Variants in CAMKV observed in about 807,000 individuals in gnomAD.
CAMKV encodes the protein caM kinase-like vesicle-associated protein.
In CAMKV, 5 loss-of-function variants were observed where a neutral mutation model predicts 50.2. The observed-to-expected ratio is 0.10, with a 90% CI of 0.05 to 0.21. CAMKV has a LOEUF of 0.21. Ranked by LOEUF, CAMKV falls within the 10% of genes least tolerant of loss-of-function variation. The pLI, the probability that CAMKV is intolerant of heterozygous loss-of-function variation, is 1.00. For synonymous variants in CAMKV, 229 were observed against 250.1 expected (o/e 0.92, Z 0.80); for missense variants, 361 against 650.5 (o/e 0.55, Z 4.84).
At position 49,859,161 on chromosome 3, in the gene CAMKV, G is replaced by C. The variant is rs2108327579; in HGVS notation, c.*157C>G. On this transcript the variant is annotated 3_prime_UTR_variant, in exon 11 of 11. Transcript: ENST00000477224. This position sits in a 1 kb window ranked among gnomAD's most constrained non-coding sequence, Gnocchi z 5.5. ...TCACACACATACACACAGGAGACGA[G>C]ACTGCTCTCCCGTGACCCCTAGTTA... 1 of 656,026 alleles carries C rather than the reference G, an allele frequency of 1.5e-6. No homozygotes were observed. Among genetic ancestry groups the C allele is most frequent in the East Asian group, 2.7e-5 (1 of 36,402 alleles). The allele number at this position is 656,026 out of a possible 1,614,324, so 40.6% of individuals were successfully genotyped here. A position where few individuals can be genotyped will look rare whatever the true frequency, so the allele number is the denominator to read the frequency against.
Position 49,859,109 on chromosome 3 carries a change from C to T in CAMKV, c.*209G>A, listed in dbSNP as rs909985571. Reference sequence around the variant, plus strand: ...AAGGAATCCATGCAGGGGCTGGGGCCGGCCCTGCCACTGGCCTGCCCACCA... The same window carrying T: ...AAGGAATCCATGCAGGGGCTGGGGCTGGCCCTGCCACTGGCCTGCCCACCA... On this transcript the variant is annotated 3_prime_UTR_variant, in exon 11 of 11. Transcript: ENST00000477224. The surrounding 1 kb of genome is among the most constrained non-coding windows in gnomAD (Gnocchi z 5.5). 3.8e-5 allele frequency: 18 copies of T among 467,904 alleles called. No homozygotes were observed. The highest frequency in any genetic ancestry group is 1.7e-4 in the African/African-American group (9 of 51,472). The allele number at this position is 467,904 out of a possible 1,614,324, so 29.0% of individuals were successfully genotyped here.
rs1042043836 is a variant in CAMKV at position 49,860,664 on chromosome 3, A to T, written c.775+52T>A. The T allele has an allele frequency of 6.2e-7, 1 of 1,611,682 alleles. No homozygotes were observed. The highest frequency in any genetic ancestry group is 1.3e-5 in the African/African-American group (1 of 74,660). On this transcript the variant is annotated intron_variant, in intron 8 of 10. Coordinates refer to ENST00000477224, the MANE Select transcript of CAMKV (RefSeq NM_024046.5). This position sits in a 1 kb window ranked among gnomAD's most constrained non-coding sequence, Gnocchi z 6.1. ...CCACAGAGGAAGATGAGAGCAGGAC[A>T]CCCTCCCCACTCCCTTGCGTTCTAC...
At chr3:49,863,140 C>T (rs574184857) in intron 1 of CAMKV, among the ~76,000 whole-genome samples, 1 of 152,250 alleles carries the variant, frequency 6.6e-6, no homozygotes, top group South Asian at 2.1e-4. Flanking sequence ...TGCAAAAAGA[C>T]ACAAAAGAAT....
In CAMKV at chr3:49,858,568, C is replaced by T. The variant is rs1196886207; in HGVS notation, c.*750G>A. 2.6e-6 allele frequency: 1 copy of T among 388,058 alleles called. No homozygotes were observed. The highest frequency in any genetic ancestry group is 4.5e-6 in the Non-Finnish European group (1 of 220,238). The allele number at this position is 388,058 out of a possible 1,614,324, so 24.0% of individuals were successfully genotyped here. A position where few individuals can be genotyped will look rare whatever the true frequency, so the allele number is the denominator to read the frequency against. On this transcript the variant is annotated 3_prime_UTR_variant, in exon 11 of 11. Coordinates refer to ENST00000477224, the MANE Select transcript of CAMKV (RefSeq NM_024046.5). ...GTCTCATTGCCACGTCCTAATTGTT[C>T]CTCCTTTCCCTTAGAGGCTCATGAG...
In CAMKV at chr3:49,869,454, C is replaced by G. The variant is rs2082089784; in HGVS notation, c.-15+304G>C. ...GCTCTGGGAACGGGGAGGGACGGCT[C>G]AGCTCTCGGCCCCTATCCTCACGGG... On this transcript the variant is annotated intron_variant, in intron 1 of 10. Transcript: ENST00000477224. The surrounding 1 kb of genome is among the most constrained non-coding windows in gnomAD (Gnocchi z 5.2). 6.6e-6 allele frequency among the ~76,000 whole-genome samples: 1 copy of G among 152,182 alleles called. No individual in the cohort carries two copies. The highest frequency in any genetic ancestry group is 2.4e-5 in the African/African-American group (1 of 41,440).
At position 49,860,160 on chromosome 3, in the gene CAMKV, C is replaced by T. The variant is rs1415424151; in HGVS notation, c.942+11G>A. On this transcript the variant is annotated intron_variant, in intron 10 of 10. Transcript: ENST00000477224. The surrounding 1 kb of genome is among the most constrained non-coding windows in gnomAD (Gnocchi z 6.1). ...GGGATAGAGCCAAGAAGGGAGTTAT[C>T]CAAGCCTTACCTTCCACTTGGCCCT... The T allele has an allele frequency of 6.2e-7, 1 of 1,611,440 alleles. No homozygotes were observed. Among genetic ancestry groups the T allele is most frequent in the Non-Finnish European group, 8.5e-7 (1 of 1,177,548 alleles).
Position 49,861,408 on chromosome 3 carries a change from A to G in CAMKV, c.441+31T>C. 3.1e-6 allele frequency: 5 copies of G among 1,613,680 alleles called. No homozygotes were observed. The highest frequency in any genetic ancestry group is 1.3e-5 in the African/African-American group (1 of 75,024). Reference sequence around the variant, plus strand: ...CACCCCAGCACCAGCCCAGCTGCCAACTGGCCCTTTGACTCTGGCTCTGCC... The same window carrying G: ...CACCCCAGCACCAGCCCAGCTGCCAGCTGGCCCTTTGACTCTGGCTCTGCC... On this transcript the variant is annotated intron_variant, in intron 5 of 10. Coordinates refer to ENST00000477224, the MANE Select transcript of CAMKV (RefSeq NM_024046.5). This position sits in a 1 kb window ranked among gnomAD's most constrained non-coding sequence, Gnocchi z 7.7.
At chr3:49,868,453 C>T (rs934192559) in intron 1 of CAMKV, among the ~76,000 whole-genome samples, 1 of 152,200 alleles carries the variant, frequency 6.6e-6, no homozygotes. Flanking sequence ...TCAGTTTCCC[C>T]TAATGGAAAC....
rs544674672 is a variant in CAMKV at position 49,860,798 on chromosome 3, G to A, written c.693C>T (p.Asn231=). The A allele has an allele frequency of 6.2e-7, 1 of 1,614,096 alleles. No homozygotes were observed. Among genetic ancestry groups the A allele is most frequent in the Admixed American group, 1.7e-5 (1 of 60,014 alleles). The part of the protein sequence containing the change: ...YEEVEEDDYE[N]HDKNLFRKIL... ...TCTTGCGGAAGAGATTCTTATCATGGTTCTCATAATCATCTTCTTCCACCT... is the reference window on the plus strand; with the variant it reads ...TCTTGCGGAAGAGATTCTTATCATGATTCTCATAATCATCTTCTTCCACCT... Residue 231 remains asparagine, a synonymous_variant, in exon 8 of 11, where the codon AAC becomes AAT. Transcript: ENST00000477224. The surrounding 1 kb of genome is among the most constrained non-coding windows in gnomAD (Gnocchi z 6.1).
At chr3:49,866,246 T>G (rs575756397) in intron 1 of CAMKV, among the ~76,000 whole-genome samples, 19 of 152,200 alleles carry the variant, frequency 1.2e-4, no homozygotes, top group Non-Finnish European at 2.6e-4. Flanking sequence ...CCATCTGCTA[T>G]CCACTGTTGC....
chr3:49,859,658 G>A lies in CAMKV; in HGVS notation c.1166C>T (p.Ala389Val). 12 of 1,614,156 alleles carry A rather than the reference G, an allele frequency of 7.4e-6. No homozygotes were observed. The highest frequency in any genetic ancestry group is 1.0e-5 in the Non-Finnish European group (12 of 1,179,998). Reference protein sequence around the residue: ...VAPADRSATPATDGSATPATD... With the variant: ...VAPADRSATPVTDGSATPATD... ...GGCTGGGGTGGCACTTCCATCTGTG[G>A]CTGGGGTGGCACTACGGTCTGCGGG... The change falls in exon 11 of 11, where the codon GCC (alanine) becomes GTC (valine). Residue 389 changes from alanine (A) to valine (V), a missense_variant. Ala to Val is a moderately conservative substitution (Grantham distance 64, BLOSUM62 0). Coordinates refer to ENST00000477224, the MANE Select transcript of CAMKV (RefSeq NM_024046.5). This position sits in a 1 kb window ranked among gnomAD's most constrained non-coding sequence, Gnocchi z 5.5.
intron 1 of CAMKV, among the ~76,000 whole-genome samples, chr3:49,867,781 AAGAC>A (rs2082076345): frequency 6.6e-6 from 1 of 152,146 alleles, no homozygotes; most frequent in Non-Finnish European, 1.5e-5. Context: ...GACACAGACA[AAGAC>A]AGAACCTGTG....
chr3:49,867,995 C>T (rs2082078086), intron 1 of CAMKV, among the ~76,000 whole-genome samples: 1 of 152,124 alleles, frequency 6.6e-6, no homozygotes, highest in African/African-American at 2.4e-5. Flanking sequence ...TCCTGTATCC[C>T]CCAAACATAC....
intron 1 of CAMKV, among the ~76,000 whole-genome samples, chr3:49,865,871 T>C (rs1310725223): frequency 6.6e-6 from 1 of 152,250 alleles, no homozygotes; most frequent in African/African-American, 2.4e-5. Context: ...TGGGAGGTTT[T>C]GTGCATGCCT....
Position 49,869,300 on chromosome 3 carries a change from C to G in CAMKV, c.-15+458G>C, listed in dbSNP as rs974617881. On this transcript the variant is annotated intron_variant, in intron 1 of 10. Transcript: ENST00000477224. This position sits in a 1 kb window ranked among gnomAD's most constrained non-coding sequence, Gnocchi z 5.2. ...CCCAGGGGCTTGGAGCTTCCTCCCC[C>G]ACCCCGCGGCAGCCCCGCCCAGCCC... is the stretch of plus-strand genomic sequence containing the variant. 2.6e-5 allele frequency among the ~76,000 whole-genome samples: 4 copies of G among 152,188 alleles called. No homozygotes were observed. Among genetic ancestry groups the G allele is most frequent in the African/African-American group, 4.8e-5 (2 of 41,436 alleles).
intron 1 of CAMKV, among the ~76,000 whole-genome samples, chr3:49,864,209 G>C (rs998522984): frequency 5.3e-5 from 8 of 152,220 alleles, no homozygotes; most frequent in Non-Finnish European, 7.3e-5. Flanking sequence ...TGGGTGGAGA[G>C]GCAAGGTAAA....
Position 49,858,458 on chromosome 3 carries a change from G to T in CAMKV, c.*860C>A, listed in dbSNP as rs1054746648. 1.5e-5 allele frequency: 6 copies of T among 397,058 alleles called. No individual in the cohort carries two copies. The highest frequency in any genetic ancestry group is 2.7e-5 in the Non-Finnish European group (6 of 225,642). The allele number at this position is 397,058 out of a possible 1,614,324, so 24.6% of individuals were successfully genotyped here. On this transcript the variant is annotated 3_prime_UTR_variant, in exon 11 of 11. Transcript: ENST00000477224. ...GGTGGGCATCTAGGAAGAGCAAGGA[G>T]GTATCAGCCCTCCCTGTTTGGCCCA...
rs369444751 is a variant in CAMKV, at chr3:49,861,408, A to T, written c.441+31T>A. 2 of 1,613,562 alleles carry T rather than the reference A, an allele frequency of 1.2e-6. No homozygotes were observed. Among genetic ancestry groups the T allele is most frequent in the African/African-American group, 2.7e-5 (2 of 74,902 alleles). ...CACCCCAGCACCAGCCCAGCTGCCAACTGGCCCTTTGACTCTGGCTCTGCC... is the reference window on the plus strand; with the variant it reads ...CACCCCAGCACCAGCCCAGCTGCCATCTGGCCCTTTGACTCTGGCTCTGCC... On this transcript the variant is annotated intron_variant, in intron 5 of 10. Coordinates refer to ENST00000477224, the MANE Select transcript of CAMKV (RefSeq NM_024046.5). This position sits in a 1 kb window ranked among gnomAD's most constrained non-coding sequence, Gnocchi z 7.7.
At position 49,862,461 on chromosome 3, in the gene CAMKV, G is replaced by A. The variant is rs1294361478; in HGVS notation, c.-14-59C>T. 1 of 1,486,742 alleles carries A rather than the reference G, an allele frequency of 6.7e-7. No homozygotes were observed. 92.1% of individuals were successfully genotyped at this position (1,486,742 alleles called of 1,614,324 possible). On this transcript the variant is annotated intron_variant, in intron 1 of 10. Coordinates refer to ENST00000477224, the MANE Select transcript of CAMKV (RefSeq NM_024046.5). This position sits in a 1 kb window ranked among gnomAD's most constrained non-coding sequence, Gnocchi z 5.2. ...TACTCTCCACTTCCCCACAACATAGGGGCTGCTTTTGGGAGACCCCAACCT... is the reference window on the plus strand; with the variant it reads ...TACTCTCCACTTCCCCACAACATAGAGGCTGCTTTTGGGAGACCCCAACCT...
Sources: gnomAD v4.1 joint callset for allele counts (sites outside exome capture counted in the v4.1 genomes callset) on GRCh38, gnomAD v4.1.1 for gene constraint, Gnocchi (gnomAD v3.1) non-coding constraint, MANE v1.5 for transcripts, NCBI Gene and HGNC (gene_info 2026-07-23, HGNC 2026-07-21) for gene names.